HUS1B: variants seen among roughly 807,000 people sequenced by gnomAD.
The protein encoded by HUS1B is checkpoint protein HUS1B.
For synonymous variants in HUS1B, 207 were observed against 176.2 expected, an observed-to-expected ratio of 1.17 and a Z score of -1.38; for missense variants, 475 against 390.4, an observed-to-expected ratio of 1.22 and a Z score of -1.83.
At position 657,091 on chromosome 6, in the gene HUS1B, T is replaced by A. The variant is rs1476763682; in HGVS notation, c.-147A>T. 1 of 631,014 alleles carries A rather than the reference T, an allele frequency of 1.6e-6. No homozygotes were observed. The highest frequency in any genetic ancestry group is 1.9e-5 in the African/African-American group (1 of 51,960). The allele number at this position is 631,014 out of a possible 1,614,324, so 39.1% of individuals were successfully genotyped here. A position where few individuals can be genotyped will look rare whatever the true frequency, so the allele number is the denominator to read the frequency against. On this transcript the variant is annotated 5_prime_UTR_variant, in exon 1 of 1. Transcript: ENST00000380907. ...AGGCACTCGGGTTCCCGGTTGCGGT[T>A]GCGGGTTCTGTTGTGGGTTCCGCAG...
At position 656,419 on chromosome 6, in the gene HUS1B, C is replaced by T. The variant is rs1763093245; in HGVS notation, c.526G>A (p.Gly176Ser). 1.9e-6 allele frequency: 3 copies of T among 1,614,034 alleles called. No individual in the cohort carries two copies. The highest frequency in any genetic ancestry group is 2.2e-5 in the East Asian group (1 of 44,876). ...RSIVERMANV[G>S]SHVLVEANLS... ...TTTGCTTCCACCAGCACGTGACTGCCCACGTTCGCCATCCTCTCCACGATG... is the reference window on the plus strand; with the variant it reads ...TTTGCTTCCACCAGCACGTGACTGCTCACGTTCGCCATCCTCTCCACGATG... The change falls in exon 1 of 1, where the codon GGC becomes AGC. Residue 176 changes from glycine (G) to serine (S), a missense_variant. Gly to Ser is a moderately conservative substitution (Grantham distance 56). Coordinates refer to ENST00000380907, the MANE Select transcript of HUS1B (RefSeq NM_148959.4).
chr6:657,051 GC>G lies in HUS1B; in HGVS notation c.-108del. 1 of 947,830 alleles carries G rather than the reference GC, an allele frequency of 1.1e-6. No homozygotes were observed. Among genetic ancestry groups the G allele is most frequent in the Non-Finnish European group, 1.5e-6 (1 of 665,848 alleles). The allele number at this position is 947,830 out of a possible 1,614,324, so 58.7% of individuals were successfully genotyped here. A position where few individuals can be genotyped will look rare whatever the true frequency, so the allele number is the denominator to read the frequency against. The stretch of plus-strand genomic sequence containing the variant: ...CGCTGCCCTCCCCGCCCTCCCTCCG[GC>G]CCCCCAGCTAGGCAGGCACTCGGGT... On this transcript the variant is annotated 5_prime_UTR_variant, in exon 1 of 1. Coordinates refer to ENST00000380907, the MANE Select transcript of HUS1B (RefSeq NM_148959.4).
chr6:656,876 G>A lies in HUS1B; in HGVS notation c.69C>T (p.Val23=). ...LELFIHVSGT[V]ARLAKVCVLR... is the part of the protein sequence containing the mutation. ...GCACGCAGACCTTCGCTAGCCTCGC[G>A]ACGGTGCCGCTGACGTGAATGAACA... Residue 23 remains valine (V), a synonymous_variant, in exon 1 of 1, where the codon GTC becomes GTT. Coordinates refer to ENST00000380907, the MANE Select transcript of HUS1B (RefSeq NM_148959.4). 1.2e-6 allele frequency: 2 copies of A among 1,604,978 alleles called. No homozygotes were observed. Among genetic ancestry groups the A allele is most frequent in the Non-Finnish European group, 1.7e-6 (2 of 1,174,068 alleles).
In HUS1B at chr6:656,493, C is replaced by T. The variant is rs779869323; in HGVS notation, c.452G>A (p.Arg151His). The change falls in exon 1 of 1, where the codon CGC becomes CAC. Residue 151 changes from arginine (R) to histidine (H), a missense_variant. By Grantham distance (29) the Arg-to-His change is conservative. Transcript: ENST00000380907. ...CAGGCGGATGCTCGCGTCGGAGGCG[C>T]GCAGGCTGGGCGGCAGGCAGTCCCG... ...VWRDCLPPSLRASDASIRLPR... is the reference protein window; with the variant it reads ...VWRDCLPPSLHASDASIRLPR... The T allele has an allele frequency of 1.9e-6, 3 of 1,608,004 alleles. No homozygotes were observed. Among genetic ancestry groups the T allele is most frequent in the Admixed American group, 1.7e-5 (1 of 59,940 alleles).
chr6:656,229 A>C lies in HUS1B; in HGVS notation c.716T>G (p.Phe239Cys). ...AGGATGTATTTGCTGTCCCTCCAAA[A>C]ACTGCAGAAGCTTCCGATTGTCCAC... ...VRVDNRKLLQ[F>C]LEGQQIHPTT... Residue 239 changes from phenylalanine to cysteine, a missense_variant, in exon 1 of 1, where the codon TTT (phenylalanine) becomes TGT (cysteine). Physicochemically the swap from Phe to Cys is radical, Grantham distance 205 (BLOSUM62 -2). Transcript: ENST00000380907. The C allele has an allele frequency of 6.2e-7, 1 of 1,614,196 alleles. No individual in the cohort carries two copies.
At position 656,130 on chromosome 6, in the gene HUS1B, T is replaced by C. The variant is rs778357543; in HGVS notation, c.815A>G (p.Gln272Arg). ...TTTTTACAAGGCAGGAATGAAATAC[T>C]GAAGAGAGACATCTTCTTGAACCAA... Reference protein sequence around the residue: ...LVLVQEDVSLQYFIPAL With the variant: ...LVLVQEDVSLRYFIPAL The change falls in exon 1 of 1, where the codon CAG becomes CGG. Residue 272 changes from glutamine (Q) to arginine (R), a missense_variant. Transcript: ENST00000380907. 1 of 1,611,206 alleles carries C rather than the reference T, an allele frequency of 6.2e-7. No homozygotes were observed.
rs1763128565 is a variant in HUS1B at position 656,746 on chromosome 6, G to A, written c.199C>T (p.Arg67Cys). ...EVRQGAFQQF[R>C]MEGVSEDLDE... ...AGATCTTCCGAGACACCTTCCATGC[G>A]AAACTGCTGGAAGGCCCCCTGCCGC... The change falls in exon 1 of 1, where the codon CGC becomes TGC. Residue 67 changes from arginine (R) to cysteine (C), a missense_variant. Coordinates refer to ENST00000380907, the MANE Select transcript of HUS1B (RefSeq NM_148959.4). 1.9e-6 allele frequency: 3 copies of A among 1,587,498 alleles called. No homozygotes were observed. Among genetic ancestry groups the A allele is most frequent in the East Asian group, 2.3e-5 (1 of 44,010 alleles).
chr6:656,017 A>G lies in HUS1B; in HGVS notation c.*91T>C. 1.1e-6 allele frequency: 1 copy of G among 915,712 alleles called. No homozygotes were observed. Among genetic ancestry groups the G allele is most frequent in the Non-Finnish European group, 1.7e-6 (1 of 586,750 alleles). The allele number at this position is 915,712 out of a possible 1,614,324, so 56.7% of individuals were successfully genotyped here. The stretch of plus-strand genomic sequence containing the variant: ...ATATACGCCCTGCATAAGTCAGTGA[A>G]GGTCCAAATTTTCAACCCAATTAAC... On this transcript the variant is annotated 3_prime_UTR_variant, in exon 1 of 1. Coordinates refer to ENST00000380907, the MANE Select transcript of HUS1B (RefSeq NM_148959.4).
chr6:656,264 C>T lies in HUS1B; in HGVS notation c.681G>A (p.Val227=). 6.2e-7 allele frequency: 1 copy of T among 1,614,248 alleles called. No individual in the cohort carries two copies. Among genetic ancestry groups the T allele is most frequent in the Middle Eastern group, 1.6e-4 (1 of 6,062 alleles). Residue 227 remains valine (V), a synonymous_variant, in exon 1 of 1, where the codon GTG becomes GTA. Transcript: ENST00000380907. ...VPENRDLESM[V]QVRVDNRKLL... is the part of the protein sequence containing the mutation. ...GCTTCCGATTGTCCACCCGCACTTG[C>T]ACCATGCTCTCCAGGTCTCTGTTTT...
At position 656,530 on chromosome 6, in the gene HUS1B, T is replaced by G. The variant is rs1260260630; in HGVS notation, c.415A>C (p.Arg139=). Residue 139 remains arginine (R), a synonymous_variant, in exon 1 of 1, where the codon AGG becomes CGG. Coordinates refer to ENST00000380907, the MANE Select transcript of HUS1B (RefSeq NM_148959.4). Reference sequence around the variant, plus strand: ...GGCAGGCAGTCCCGCCACACTCTCCTGGGAAGCACCCGCACGGGCAGATCG... The same window carrying G: ...GGCAGGCAGTCCCGCCACACTCTCCGGGGAAGCACCCGCACGGGCAGATCG... ...VHDLPVRVLP[R]RVWRDCLPPS... 1.2e-6 allele frequency: 2 copies of G among 1,604,034 alleles called. No homozygotes were observed. Among genetic ancestry groups the G allele is most frequent in the South Asian group, 2.2e-5 (2 of 90,622 alleles).
chr6:656,392 G>A lies in HUS1B; in HGVS notation c.553C>T (p.Leu185Phe), dbSNP rs750894700. ...ATACTCAGGGTCATCCTGCCACTGA[G>A]GTTTGCTTCCACCAGCACGTGACTG... ...VGSHVLVEANLSGRMTLSIET... is the reference protein window; with the variant it reads ...VGSHVLVEANFSGRMTLSIET... Residue 185 changes from leucine (L) to phenylalanine (F), a missense_variant, in exon 1 of 1, where the codon CTC (leucine) becomes TTC (phenylalanine). Physicochemically the swap from Leu to Phe is conservative, Grantham distance 22. Coordinates refer to ENST00000380907, the MANE Select transcript of HUS1B (RefSeq NM_148959.4). 1.9e-6 allele frequency: 3 copies of A among 1,614,196 alleles called. No homozygotes were observed. Among genetic ancestry groups the A allele is most frequent in the East Asian group, 2.2e-5 (1 of 44,866 alleles).
Position 656,036 on chromosome 6 carries a change from A to T in HUS1B, c.*72T>A. On this transcript the variant is annotated 3_prime_UTR_variant, in exon 1 of 1. Coordinates refer to ENST00000380907, the MANE Select transcript of HUS1B (RefSeq NM_148959.4). ...CAGTGAAGGTCCAAATTTTCAACCC[A>T]ATTAACTCAGGGTCTGTTTTAGTTT... 1 of 1,162,114 alleles carries T rather than the reference A, an allele frequency of 8.6e-7. No individual in the cohort carries two copies. Among genetic ancestry groups the T allele is most frequent in the Non-Finnish European group, 1.2e-6 (1 of 803,126 alleles). The allele number at this position is 1,162,114 out of a possible 1,614,324, so 72.0% of individuals were successfully genotyped here.
chr6:656,731 A>C lies in HUS1B; in HGVS notation c.214T>G (p.Ser72Ala). ...AFQQFRMEGV[S>A]EDLDEIHLEL... ...AGGTGGATCTCATCGAGATCTTCCG[A>C]GACACCTTCCATGCGAAACTGCTGG... The change falls in exon 1 of 1, where the codon TCG becomes GCG. Residue 72 changes from serine to alanine, a missense_variant. Ser to Ala is a moderately conservative substitution (Grantham distance 99, BLOSUM62 1). Coordinates refer to ENST00000380907, the MANE Select transcript of HUS1B (RefSeq NM_148959.4). 3.1e-6 allele frequency: 5 copies of C among 1,594,390 alleles called. No individual in the cohort carries two copies. Among genetic ancestry groups the C allele is most frequent in the Non-Finnish European group, 4.3e-6 (5 of 1,168,652 alleles).
In HUS1B at chr6:656,226, A is replaced by C. The variant is rs754347705; in HGVS notation, c.719T>G (p.Leu240Trp). 3 of 1,614,212 alleles carry C rather than the reference A, an allele frequency of 1.9e-6. No homozygotes were observed. The South Asian group carries it at 3.3e-5, about 18-fold the overall frequency. ...RVDNRKLLQF[L>W]EGQQIHPTTA... ...CGTAGGATGTATTTGCTGTCCCTCCAAAAACTGCAGAAGCTTCCGATTGTC... is the reference window on the plus strand; with the variant it reads ...CGTAGGATGTATTTGCTGTCCCTCCCAAAACTGCAGAAGCTTCCGATTGTC... Residue 240 changes from leucine (L) to tryptophan (W), a missense_variant, in exon 1 of 1, where the codon TTG becomes TGG. Leu to Trp is a moderately conservative substitution (Grantham distance 61). Coordinates refer to ENST00000380907, the MANE Select transcript of HUS1B (RefSeq NM_148959.4).
Position 657,011 on chromosome 6 carries a change from C to G in HUS1B, c.-67G>C. ...CCGCGTGCCACAAGCCCTTCCGGTC[C>G]GCTGGGGTCCGTGGCGCTGCCCTCC... On this transcript the variant is annotated 5_prime_UTR_variant, in exon 1 of 1. Coordinates refer to ENST00000380907, the MANE Select transcript of HUS1B (RefSeq NM_148959.4). 7.5e-7 allele frequency: 1 copy of G among 1,325,114 alleles called. No homozygotes were observed. The highest frequency in any genetic ancestry group is 1.0e-6 in the Non-Finnish European group (1 of 982,904). 82.1% of individuals were successfully genotyped at this position (1,325,114 alleles called of 1,614,324 possible).
At position 656,303 on chromosome 6, in the gene HUS1B, A is replaced by G. The variant is rs2127748206; in HGVS notation, c.642T>C (p.Ala214=). ...FKNLGNPPQS[A]VGVPENRDLE... The stretch of plus-strand genomic sequence containing the variant: ...GGTCTCTGTTTTCAGGCACACCCAC[A>G]GCCGACTGGGGAGGGTTTCCAAGAT... Residue 214 remains alanine (A), a synonymous_variant, in exon 1 of 1, where the codon GCT becomes GCC. Coordinates refer to ENST00000380907, the MANE Select transcript of HUS1B (RefSeq NM_148959.4). The G allele has an allele frequency of 6.2e-7, 1 of 1,614,216 alleles. No individual in the cohort carries two copies. Among genetic ancestry groups the G allele is most frequent in the Non-Finnish European group, 8.5e-7 (1 of 1,180,038 alleles).
chr6:657,018 G>T lies in HUS1B; in HGVS notation c.-74C>A. On this transcript the variant is annotated 5_prime_UTR_variant, in exon 1 of 1. Transcript: ENST00000380907. ...CCACAAGCCCTTCCGGTCCGCTGGG[G>T]TCCGTGGCGCTGCCCTCCCCGCCCT... is the stretch of plus-strand genomic sequence containing the variant. The T allele has an allele frequency of 1.6e-6, 2 of 1,285,688 alleles. No individual in the cohort carries two copies. Among genetic ancestry groups the T allele is most frequent in the South Asian group, 1.6e-5 (1 of 61,474 alleles). 79.6% of individuals were successfully genotyped at this position (1,285,688 alleles called of 1,614,324 possible).
In HUS1B at chr6:656,190, C is replaced by T. The variant is rs1763071616; in HGVS notation, c.755G>A (p.Cys252Tyr). Residue 252 changes from cysteine to tyrosine, a missense_variant, in exon 1 of 1, where the codon TGC becomes TAC. Transcript: ENST00000380907. ...AAGAAGAGTATTGTCCCAAATATTG[C>T]ACAGGGCCGTCGTAGGATGTATTTG... ...GQQIHPTTAL[C>Y]NIWDNTLLQL... 1 of 1,614,162 alleles carries T rather than the reference C, an allele frequency of 6.2e-7. No individual in the cohort carries two copies. Among genetic ancestry groups the T allele is most frequent in the African/African-American group, 1.3e-5 (1 of 75,026 alleles).
chr6:656,267 C>G lies in HUS1B; in HGVS notation c.678G>C (p.Met226Ile), dbSNP rs777378654. Reference sequence around the variant, plus strand: ...TCCGATTGTCCACCCGCACTTGCACCATGCTCTCCAGGTCTCTGTTTTCAG... The same window carrying G: ...TCCGATTGTCCACCCGCACTTGCACGATGCTCTCCAGGTCTCTGTTTTCAG... ...GVPENRDLES[M>I]VQVRVDNRKL... Residue 226 changes from methionine (M) to isoleucine (I), a missense_variant, in exon 1 of 1, where the codon ATG becomes ATC. Coordinates refer to ENST00000380907, the MANE Select transcript of HUS1B (RefSeq NM_148959.4). The G allele has an allele frequency of 5.8e-5, 94 of 1,614,108 alleles. 1 individual carries two copies. Among genetic ancestry groups the G allele is most frequent in the Middle Eastern group, 1.6e-4 (1 of 6,084 alleles).
Sources: gnomAD v4.1 joint callset for allele counts on GRCh38, gnomAD v4.1.1 for gene constraint, MANE v1.5 for transcripts, NCBI Gene and HGNC (gene_info 2026-07-23, HGNC 2026-07-21) for gene names.